The following NHSL1 variants were observed in gnomAD, a reference collection of about 807,000 sequenced individuals.
NHSL1 encodes NHS-like protein 1.
Under a neutral mutation model 95.0 loss-of-function variants are expected in NHSL1, and 48 were observed. The ratio of observed to expected loss-of-function variants is 0.51; its 90% CI spans 0.40 to 0.64. The LOEUF is 0.64. NHSL1 is among the 30% of genes least tolerant of loss of function. NHSL1 has a pLI of 0.00. For synonymous variants in NHSL1, 783 were observed against 833.9 expected, an observed-to-expected ratio of 0.94 and a Z score of 1.05; for missense variants, 1,971 against 2,077.7, an observed-to-expected ratio of 0.95 and a Z score of 1.00.
chr6:138,648,352 GAA>G (rs58429767), intron 1 of NHSL1, among the ~76,000 whole-genome samples: 3 of 134,026 alleles, frequency 2.2e-5, no homozygotes, highest in African/African-American at 5.4e-5. Context: ...TACGGACACT[GAA>G]AAAAAAAAAA....
chr6:138,476,548 C>A (rs1779078957), intron 2 of NHSL1, among the ~76,000 whole-genome samples: 1 of 152,046 alleles, frequency 6.6e-6, no homozygotes, highest in East Asian at 1.9e-4. Flanking sequence ...TACTGGGGGC[C>A]CGCGCCAGTA....
intron 1 of NHSL1, among the ~76,000 whole-genome samples, chr6:138,659,450 G>A (rs1400604322): frequency 6.6e-6 from 1 of 152,080 alleles, no homozygotes; most frequent in Non-Finnish European, 1.5e-5. Flanking sequence ...TGGCAGCTGT[G>A]AAGGAGAATT....
chr6:138,444,232 A>G (rs1203766789), intron 4 of NHSL1, among the ~76,000 whole-genome samples: 1 of 152,146 alleles, frequency 6.6e-6, no homozygotes, highest in Non-Finnish European at 1.5e-5. Context: ...AGGCTGCCCA[A>G]TTCATGAATT....
Position 138,432,818 on chromosome 6 carries a change from C to T in NHSL1, c.1527G>A (p.Arg509=). Residue 509 remains arginine, a synonymous_variant, in exon 6 of 8, where the codon AGG becomes AGA. Transcript: ENST00000343505. This position sits in a 1 kb window ranked among gnomAD's most constrained non-coding sequence, Gnocchi z 4.4. ...ACGGCATAGCTTGGGACCCATTCTC[C>T]CTATTTGCTGGAGCATTTAGAGGGA... ...SAVPLNAPAN[R]ENGSQAMPYN... 6.4e-7 allele frequency: 1 copy of T among 1,551,630 alleles called. No homozygotes were observed. Among genetic ancestry groups the T allele is most frequent in the Non-Finnish European group, 8.7e-7 (1 of 1,146,968 alleles).
chr6:138,496,447 C>T (rs117313379), intron 1 of NHSL1, 76 bp from the exon 2 acceptor site: 32,372 of 1,414,246 alleles, frequency 0.023, 452 homozygotes, highest in Non-Finnish European at 0.027. Flanking sequence ...GATGTGTTTC[C>T]ATGTCTAACA....
chr6:138,483,359 A>G (rs1472014819), intron 2 of NHSL1, among the ~76,000 whole-genome samples: 1 of 152,252 alleles, frequency 6.6e-6, no homozygotes, highest in Non-Finnish European at 1.5e-5. Flanking sequence ...AACATAGGAT[A>G]AAGAATTTAG....
chr6:138,548,291 C>T (rs188013337), upstream of NHSL1, among the ~76,000 whole-genome samples: 1 of 152,150 alleles, frequency 6.6e-6, no homozygotes, highest in African/African-American at 2.4e-5. Flanking sequence ...GCAGTTTAAG[C>T]CTTTTTAAAC....
intron 1 of NHSL1, among the ~76,000 whole-genome samples, chr6:138,683,635 T>A (rs1785541473): frequency 6.6e-6 from 1 of 152,156 alleles, no homozygotes; most frequent in Non-Finnish European, 1.5e-5. Context: ...CTCATCTGAG[T>A]ATGGGAAGGT....
intron 5 of NHSL1, among the ~76,000 whole-genome samples, chr6:138,438,374 T>C (rs1053796002): frequency 1.6e-4 from 24 of 152,210 alleles, no homozygotes; most frequent in African/African-American, 5.1e-4. Context: ...CATAATGCTA[T>C]TGCAAACTTA....
chr6:138,431,949 C>T lies in NHSL1; in HGVS notation c.2396G>A (p.Gly799Asp). 6.4e-7 allele frequency: 1 copy of T among 1,551,748 alleles called. No homozygotes were observed. The highest frequency in any genetic ancestry group is 1.2e-5 in the South Asian group (1 of 84,070). Residue 799 changes from glycine to aspartate, a missense_variant, in exon 6 of 8, where the codon GGC becomes GAC. By Grantham distance (94) the Gly-to-Asp change is moderately conservative. Transcript: ENST00000343505. The surrounding 1 kb of genome is among the most constrained non-coding windows in gnomAD (Gnocchi z 4.0). ...MQEDPGNPAG[G>D]CSTSSGVPTG... is the part of the protein sequence containing the mutation. The stretch of plus-strand genomic sequence containing the variant: ...GGGCACCCCACTGCTGGTTGAACAG[C>T]CCCCTGCCGGGTTCCCCGGATCTTC...
At chr6:138,620,709 G>A (rs1404755998) in intron 1 of NHSL1, among the ~76,000 whole-genome samples, 1 of 152,050 alleles carries the variant, frequency 6.6e-6, no homozygotes, top group Non-Finnish European at 1.5e-5. Context: ...TGCAAGGAGA[G>A]AATTCTAGAA....
At chr6:138,451,922 G>A (rs1777264490) in intron 3 of NHSL1, among the ~76,000 whole-genome samples, 2 of 152,206 alleles carry the variant, frequency 1.3e-5, no homozygotes, top group South Asian at 4.1e-4. Context: ...TCCTGGCACT[G>A]TCACTTACTA....
chr6:138,522,939 A>G (rs1781744132), intron 1 of NHSL1, among the ~76,000 whole-genome samples: 1 of 152,262 alleles, frequency 6.6e-6, no homozygotes, highest in East Asian at 1.9e-4. Flanking sequence ...ATGAATGACA[A>G]TAATCTTCAG....
At chr6:138,588,634 C>T (rs1369012293) in intron 1 of NHSL1, among the ~76,000 whole-genome samples, 1 of 152,208 alleles carries the variant, frequency 6.6e-6, no homozygotes, top group African/African-American at 2.4e-5. Flanking sequence ...GTAGAACAGA[C>T]ACTTGGCATA....
chr6:138,430,959 C>T lies in NHSL1; in HGVS notation c.3386G>A (p.Ser1129Asn). ...RNSTNEMESE[S>N]QPASVTSSLP... Reference sequence around the variant, plus strand: ...CGAGCTTGTCACAGAGGCAGGCTGGCTTTCACTCTCCATTTCATTTGTGCT... The same window carrying T: ...CGAGCTTGTCACAGAGGCAGGCTGGTTTTCACTCTCCATTTCATTTGTGCT... Residue 1129 changes from serine (S) to asparagine (N), a missense_variant, in exon 6 of 8, where the codon AGC (serine) becomes AAC (asparagine). Transcript: ENST00000343505. This position sits in a 1 kb window ranked among gnomAD's most constrained non-coding sequence, Gnocchi z 4.7. 1 of 1,551,772 alleles carries T rather than the reference C, an allele frequency of 6.4e-7. No homozygotes were observed. Among genetic ancestry groups the T allele is most frequent in the Non-Finnish European group, 8.7e-7 (1 of 1,146,994 alleles).
chr6:138,615,928 G>A (rs1583450872), intron 1 of NHSL1, among the ~76,000 whole-genome samples: 1 of 152,242 alleles, frequency 6.6e-6, no homozygotes, highest in African/African-American at 2.4e-5. Context: ...AGGCGCTTAT[G>A]TCTGTAGTCC....
chr6:138,554,663 T>C (rs1783130623), intron 1 of NHSL1, among the ~76,000 whole-genome samples: 1 of 152,254 alleles, frequency 6.6e-6, no homozygotes. Context: ...TACATTATTC[T>C]AATATTTAAT....
intron 1 of NHSL1, among the ~76,000 whole-genome samples, chr6:138,524,662 T>C (rs1781826977): frequency 6.6e-6 from 1 of 152,188 alleles, no homozygotes; most frequent in African/African-American, 2.4e-5. Context: ...GCATGTCATT[T>C]GGTAAACATT....
intron 1 of NHSL1, among the ~76,000 whole-genome samples, chr6:138,683,990 CACT>C (rs2114791586): frequency 6.6e-6 from 1 of 152,234 alleles, no homozygotes; most frequent in Non-Finnish European, 1.5e-5. Flanking sequence ...GCGAGCAGAT[CACT>C]TGAGGCCAGC....
Sources: gnomAD v4.1 joint callset for allele counts (sites outside exome capture counted in the v4.1 genomes callset) on GRCh38, gnomAD v4.1.1 for gene constraint, Gnocchi (gnomAD v3.1) non-coding constraint, MANE v1.5 for transcripts, NCBI Gene and HGNC (gene_info 2026-07-23, HGNC 2026-07-21) for gene names.